The following CADM2 variants were observed in gnomAD, a reference collection of about 807,000 sequenced individuals.
CADM2 encodes the protein immunoglobulin superfamily member 4D.
CADM2 carries 12 observed loss-of-function variants against 49.8 expected under a neutral mutation model. The observed-to-expected ratio is 0.24, with a 90% confidence interval of 0.15 to 0.39. The LOEUF is 0.39. Ranked by LOEUF, CADM2 falls within the 10% of genes least tolerant of loss-of-function variation. The pLI, the probability that CADM2 is intolerant of heterozygous loss-of-function variation, is 1.00. For missense variants in CADM2, 378 were observed against 492.3 expected (o/e 0.77, Z 2.20); for synonymous variants, 214 against 175.4 (o/e 1.22, Z -1.74).
intron 1 of CADM2, among the ~76,000 whole-genome samples, chr3:85,641,571 T>C (rs1220012637): frequency 6.6e-6 from 1 of 152,120 alleles, no homozygotes; most frequent in African/African-American, 2.4e-5. Context: ...ATATCTAATA[T>C]CTTAAACATT....
intron 8 of CADM2, among the ~76,000 whole-genome samples, chr3:85,996,196 A>T (rs114099771): frequency 0.015 from 2,212 of 151,350 alleles, 49 homozygotes; most frequent in African/African-American, 0.051. Flanking sequence ...GATTTATATT[A>T]TTTAAATTTA....
intron 1 of CADM2, among the ~76,000 whole-genome samples, chr3:85,698,010 C>A (rs2066623871): frequency 6.6e-6 from 1 of 152,162 alleles, no homozygotes; most frequent in African/African-American, 2.4e-5. Flanking sequence ...ACTTAAAGAT[C>A]AACTTAAGAC....
intron 1 of CADM2, among the ~76,000 whole-genome samples, chr3:85,560,037 A>G (rs1013012915): frequency 2.0e-5 from 3 of 152,288 alleles, no homozygotes; most frequent in East Asian, 1.9e-4. Context: ...CAATTTCAAG[A>G]ATTAATTCGC....
intron 1 of CADM2, among the ~76,000 whole-genome samples, chr3:85,643,527 G>C (rs139847585): frequency 6.6e-6 from 1 of 152,222 alleles, no homozygotes; most frequent in East Asian, 1.9e-4. Flanking sequence ...AACTTGATTA[G>C]GTCTTTGCTT....
chr3:85,376,617 T>G (rs2033606157), intron 1 of CADM2, among the ~76,000 whole-genome samples: 2 of 152,040 alleles, frequency 1.3e-5, no homozygotes, highest in South Asian at 4.1e-4. Context: ...TGGATACACA[T>G]GATGGTTTAC....
At chr3:85,717,538 A>G (rs968175657) in intron 1 of CADM2, among the ~76,000 whole-genome samples, 3 of 152,030 alleles carry the variant, frequency 2.0e-5, no homozygotes, top group African/African-American at 7.2e-5. Context: ...GTTGAATAGG[A>G]GTTATGTGAG....
intron 1 of CADM2, among the ~76,000 whole-genome samples, chr3:85,257,321 A>G (rs1207248959): frequency 6.6e-6 from 1 of 152,150 alleles, no homozygotes; most frequent in Non-Finnish European, 1.5e-5. Flanking sequence ...TTTATTTTCC[A>G]TAAGACAAAT....
chr3:86,066,902 T>A lies in CADM2; in HGVS notation c.*119T>A. Reference sequence around the variant, plus strand: ...ACCCTTATTAACTCCCATACTGTACTGCTATCAGTAGCCAGTGTATACCAA... The same window carrying A: ...ACCCTTATTAACTCCCATACTGTACAGCTATCAGTAGCCAGTGTATACCAA... On this transcript the variant is annotated 3_prime_UTR_variant, in exon 10 of 10. Coordinates refer to ENST00000383699, the MANE Select transcript of CADM2 (RefSeq NM_001167675.2). 5.7e-6 allele frequency: 4 copies of A among 706,666 alleles called. No individual in the cohort carries two copies. The highest frequency in any genetic ancestry group is 5.0e-5 in the East Asian group (2 of 40,384). The allele number at this position is 706,666 out of a possible 1,614,324, so 43.8% of individuals were successfully genotyped here. A position where few individuals can be genotyped will look rare whatever the true frequency, so the allele number is the denominator to read the frequency against.
chr3:85,234,358 C>A (rs977150942), intron 1 of CADM2, among the ~76,000 whole-genome samples: 2 of 151,976 alleles, frequency 1.3e-5, no homozygotes, highest in Non-Finnish European at 2.9e-5. Context: ...GAAGTTAGTA[C>A]CTTACTTTGA....
At chr3:85,159,528 G>A (rs1340588265) in intron 1 of CADM2, among the ~76,000 whole-genome samples, 4 of 152,192 alleles carry the variant, frequency 2.6e-5, no homozygotes, top group Admixed American at 6.5e-5. Flanking sequence ...GGTTTCACAT[G>A]AGACAATACT....
chr3:85,668,644 A>C (rs1193908367), intron 1 of CADM2, among the ~76,000 whole-genome samples: 1 of 152,108 alleles, frequency 6.6e-6, no homozygotes, highest in African/African-American at 2.4e-5. Flanking sequence ...GCTGCCATCC[A>C]TGTAAGATGT....
At chr3:85,157,652 A>G (rs2040176925) in intron 1 of CADM2, among the ~76,000 whole-genome samples, 1 of 152,062 alleles carries the variant, frequency 6.6e-6, no homozygotes, top group Non-Finnish European at 1.5e-5. Context: ...GAAAGCTGAA[A>G]CTGGATCCCT....
At chr3:85,714,738 C>A (rs186929469) in intron 1 of CADM2, among the ~76,000 whole-genome samples, 1 of 152,140 alleles carries the variant, frequency 6.6e-6, no homozygotes, top group Admixed American at 6.6e-5. Flanking sequence ...CCCTGTTTAT[C>A]TATTTTTACT....
At chr3:85,349,144 T>A (rs2031079421) in intron 1 of CADM2, among the ~76,000 whole-genome samples, 1 of 152,176 alleles carries the variant, frequency 6.6e-6, no homozygotes, top group African/African-American at 2.4e-5. Flanking sequence ...CCATCTTTTA[T>A]CTCCTATTCA....
At chr3:85,111,956 G>A (rs2038474698) in intron 1 of CADM2, among the ~76,000 whole-genome samples, 1 of 151,682 alleles carries the variant, frequency 6.6e-6, no homozygotes, top group African/African-American at 2.4e-5. Context: ...TGAGATATGA[G>A]GTTAAACAAA....
chr3:85,979,740 T>A (rs1309103550), intron 8 of CADM2, among the ~76,000 whole-genome samples: 1 of 151,598 alleles, frequency 6.6e-6, no homozygotes. Context: ...ACATAGTCCA[T>A]GGGGTCAGTA....
intron 1 of CADM2, among the ~76,000 whole-genome samples, chr3:85,429,781 A>G (rs1286425895): frequency 6.6e-6 from 1 of 152,204 alleles, no homozygotes; most frequent in African/African-American, 2.4e-5. Context: ...CCATTGGTCA[A>G]ATCTGACCCA....
At chr3:85,550,737 T>C (rs1369318722) in intron 1 of CADM2, among the ~76,000 whole-genome samples, 1 of 152,154 alleles carries the variant, frequency 6.6e-6, no homozygotes, top group Non-Finnish European at 1.5e-5. Flanking sequence ...ACAAAGCCTC[T>C]TAACTTGATC....
chr3:85,187,603 A>C (rs2041095375), intron 1 of CADM2, among the ~76,000 whole-genome samples: 1 of 152,248 alleles, frequency 6.6e-6, no homozygotes, highest in African/African-American at 2.4e-5. Context: ...GAAAGAGCCA[A>C]GGTAAATTGC....
Sources: gnomAD v4.1 joint callset for allele counts (sites outside exome capture counted in the v4.1 genomes callset) on GRCh38, gnomAD v4.1.1 for gene constraint, MANE v1.5 for transcripts, NCBI Gene and HGNC (gene_info 2026-07-23, HGNC 2026-07-21) for gene names.